The following TMTC1 variants were observed in gnomAD, a reference collection of about 807,000 sequenced individuals.
TMTC1 encodes the protein protein O-mannosyl-transferase TMTC1.
Under a neutral mutation model 104.8 loss-of-function variants are expected in TMTC1, and 73 were observed. The observed-to-expected ratio is 0.70, with a 90% CI of 0.58 to 0.85. The LOEUF is 0.85. Ranked by LOEUF, TMTC1 falls within the 40% of genes least tolerant of loss-of-function variation. The probability of loss-of-function intolerance (pLI) is 0.00; values close to 1 mark genes in which losing one functional copy is unlikely to be tolerated. For missense variants in TMTC1, 1,035 were observed against 1,096.1 expected, an observed-to-expected ratio of 0.94 and a Z score of 0.79; for synonymous variants, 434 against 428.7, an observed-to-expected ratio of 1.01 and a Z score of -0.15.
At chr12:29,714,209 T>A (rs1005657386) in intron 5 of TMTC1, among the ~76,000 whole-genome samples, 1 of 152,208 alleles carries the variant, frequency 6.6e-6, no homozygotes, top group Admixed American at 6.5e-5. Flanking sequence ...AAAATCTTTC[T>A]ACCAAAAATG....
intron 5 of TMTC1, among the ~76,000 whole-genome samples, chr12:29,658,971 C>T (rs968314534): frequency 6.6e-6 from 1 of 152,170 alleles, no homozygotes; most frequent in South Asian, 2.1e-4. Flanking sequence ...GACTTAAAAT[C>T]CTATTCAGTG....
intron 5 of TMTC1, among the ~76,000 whole-genome samples, chr12:29,643,432 T>TATATATATATCACATATATGTG (rs1938961536): frequency 5.9e-5 from 6 of 101,138 alleles, no homozygotes; most frequent in East Asian, 2.7e-4. Context: ...TAAACTGTGA[T>TATATATATATCACATATATGTG]ATATATATAT....
chr12:29,603,462 T>A (rs1041963281), intron 7 of TMTC1, among the ~76,000 whole-genome samples: 2 of 151,986 alleles, frequency 1.3e-5, no homozygotes, highest in Non-Finnish European at 2.9e-5. Flanking sequence ...ATTGTAAAAA[T>A]GAGAAAATCT....
Position 29,644,141 on chromosome 12 carries a change from GTGTGTGTGTATATA to G in TMTC1, c.939-10819_939-10806del, listed in dbSNP as rs1393735119. ...TGTGTGTGTGTGTGTGTGTGTGTGT[GTGTGTGTGTATATA>G]TATATATAATGAAATACTAAACAGC... On this transcript the variant is annotated intron_variant, in intron 5 of 17. Coordinates refer to ENST00000539277, the MANE Select transcript of TMTC1 (RefSeq NM_001193451.2). 2.2e-3 allele frequency among the ~76,000 whole-genome samples: 226 copies of G among 104,616 alleles called. 10 individuals carry two copies. The highest frequency in any genetic ancestry group is 3.4e-3 in the Non-Finnish European group (175 of 52,022). 68.6% of individuals were successfully genotyped at this position (104,616 alleles called of 152,430 possible).
rs958000858 is a variant in TMTC1 at position 29,506,657 on chromosome 12, C to T, written c.*189G>A. The T allele has an allele frequency of 2.6e-5, 16 of 625,470 alleles. No homozygotes were observed. The highest frequency in any genetic ancestry group is 1.3e-4 in the South Asian group (6 of 47,700). The allele number at this position is 625,470 out of a possible 1,614,324, so 38.7% of individuals were successfully genotyped here. ...CCTTCTTGCCCTTGTTTGCTGTTTTCGTCTTCTTCATGGAAAAGCAAGTCC... is the reference window on the plus strand; with the variant it reads ...CCTTCTTGCCCTTGTTTGCTGTTTTTGTCTTCTTCATGGAAAAGCAAGTCC... On this transcript the variant is annotated 3_prime_UTR_variant, in exon 18 of 18. Coordinates refer to ENST00000539277, the MANE Select transcript of TMTC1 (RefSeq NM_001193451.2).
chr12:29,539,949 G>C (rs1458604361), intron 10 of TMTC1, among the ~76,000 whole-genome samples: 2 of 152,102 alleles, frequency 1.3e-5, no homozygotes, highest in Non-Finnish European at 2.9e-5. Flanking sequence ...ATTCAACTCT[G>C]GTTCCCAGAG....
intron 6 of TMTC1, among the ~76,000 whole-genome samples, chr12:29,608,374 A>G (rs16934612): frequency 0.092 from 13,964 of 152,282 alleles, 873 homozygotes; most frequent in East Asian, 0.17. Context: ...TATTTTCCAA[A>G]GTACACATGG....
At chr12:29,522,616 T>C (rs1327463193) in intron 11 of TMTC1, among the ~76,000 whole-genome samples, 1 of 152,002 alleles carries the variant, frequency 6.6e-6, no homozygotes, top group Non-Finnish European at 1.5e-5. Context: ...AGAAATTATA[T>C]AACAACCTGA....
intron 5 of TMTC1, among the ~76,000 whole-genome samples, chr12:29,729,071 G>A (rs1942480770): frequency 6.6e-6 from 1 of 150,678 alleles, no homozygotes; most frequent in Non-Finnish European, 1.5e-5. Context: ...CACAGACTCT[G>A]GAGACAAACT....
intron 7 of TMTC1, among the ~76,000 whole-genome samples, chr12:29,601,413 T>G (rs1302948373): frequency 1.3e-5 from 2 of 152,226 alleles, no homozygotes; most frequent in African/African-American, 4.8e-5. Context: ...GTATCTAAAC[T>G]AGATGACACT....
At chr12:29,576,545 T>C (rs999620947) in intron 8 of TMTC1, among the ~76,000 whole-genome samples, 10 of 152,198 alleles carry the variant, frequency 6.6e-5, no homozygotes, top group African/African-American at 2.4e-4. Context: ...AAATACTGCA[T>C]GATCTTACCT....
intron 10 of TMTC1, among the ~76,000 whole-genome samples, chr12:29,537,329 C>T (rs1253488534): frequency 2.6e-5 from 4 of 152,172 alleles, no homozygotes; most frequent in East Asian, 1.9e-4. Flanking sequence ...ATATCTTTCA[C>T]ATAACATTAT....
rs373683654 is a variant in TMTC1 at position 29,514,375 on chromosome 12, T to A, written c.2430+107A>T. ...AAAAAACTCACTCACTCCATAAACA[T>A]ACATGCCAGTGATCTTAGATCTTAC... On this transcript the variant is annotated intron_variant, in intron 16 of 17. Transcript: ENST00000539277. 7 of 1,215,492 alleles carry A rather than the reference T, an allele frequency of 5.8e-6. No individual in the cohort carries two copies. The African/African-American group carries it at 9.0e-5, about 16-fold the overall frequency. 75.3% of individuals were successfully genotyped at this position (1,215,492 alleles called of 1,614,324 possible).
chr12:29,601,015 C>T lies in TMTC1; in HGVS notation c.1250+3163G>A, dbSNP rs1472828863. On this transcript the variant is annotated intron_variant, in intron 7 of 17. Transcript: ENST00000539277. ...CCGAATTTGGCAAATGAAGCAAAAC[C>T]GAGGTTGGTTCCGGGAGGCAGGCAC... Among the ~76,000 whole-genome samples, 4 of 152,124 alleles carry T rather than the reference C, an allele frequency of 2.6e-5. No homozygotes were observed. The South Asian group carries it at 6.2e-4, about 24-fold the overall frequency.
chr12:29,570,421 A>C (rs1364142867), intron 9 of TMTC1, among the ~76,000 whole-genome samples: 3 of 152,238 alleles, frequency 2.0e-5, no homozygotes, highest in Non-Finnish European at 4.4e-5. Flanking sequence ...CTTAAAAATG[A>C]TCTTCTATTC....
chr12:29,754,238 C>T (rs1943162889), intron 4 of TMTC1, among the ~76,000 whole-genome samples: 1 of 150,558 alleles, frequency 6.6e-6, no homozygotes, highest in Admixed American at 6.6e-5. Flanking sequence ...AGTATTAATC[C>T]TCCCAAAGAA....
intron 6 of TMTC1, among the ~76,000 whole-genome samples, chr12:29,616,336 A>G (rs1946977267): frequency 6.6e-6 from 1 of 152,076 alleles, no homozygotes; most frequent in African/African-American, 2.4e-5. Flanking sequence ...GGCAAACACA[A>G]TTTCACTGAT....
At chr12:29,734,853 G>A (rs11050416) in intron 5 of TMTC1, among the ~76,000 whole-genome samples, 7,410 of 152,216 alleles carry the variant, frequency 0.049, 231 homozygotes, top group South Asian at 0.12. Flanking sequence ...ACTTTTAACT[G>A]ATTAAAGTGA....
intron 6 of TMTC1, among the ~76,000 whole-genome samples, chr12:29,608,538 C>T (rs1946762328): frequency 6.6e-6 from 1 of 152,194 alleles, no homozygotes; most frequent in South Asian, 2.1e-4. Flanking sequence ...TAATTTACTT[C>T]TCTGAGCTTT....
Sources: gnomAD v4.1 joint callset for allele counts (sites outside exome capture counted in the v4.1 genomes callset) on GRCh38, gnomAD v4.1.1 for gene constraint, MANE v1.5 for transcripts, NCBI Gene and HGNC (gene_info 2026-07-23, HGNC 2026-07-21) for gene names.